The following CAMTA1 variants were observed in gnomAD, a reference collection of about 807,000 sequenced individuals.
CAMTA1 encodes the protein calmodulin-binding transcription activator 1.
Under a neutral mutation model 170.9 loss-of-function variants are expected in CAMTA1, and 27 were observed. That is an observed-to-expected ratio of 0.16 (90% CI 0.12 to 0.22). The LOEUF is 0.22. Among genes scored for constraint, CAMTA1 ranks in the 10% least tolerant of loss-of-function variants. The probability of loss-of-function intolerance (pLI) is 1.00; values close to 1 mark genes in which losing one functional copy is unlikely to be tolerated. For missense variants in CAMTA1, 1,619 were observed against 2,217.2 expected (o/e 0.73, Z 5.42); for synonymous variants, 833 against 891.5 (o/e 0.93, Z 1.17).
chr1:7,440,424 G>A (rs1035871471), intron 5 of CAMTA1, among the ~76,000 whole-genome samples: 2 of 152,256 alleles, frequency 1.3e-5, no homozygotes, highest in Non-Finnish European at 2.9e-5. Context: ...GGAAGGAGCC[G>A]TGTGTTGCCT....
intron 3 of CAMTA1, among the ~76,000 whole-genome samples, chr1:7,017,846 G>A (rs1182799189): frequency 6.6e-6 from 1 of 152,174 alleles, no homozygotes; most frequent in African/African-American, 2.4e-5. Flanking sequence ...GGAGAGTAAG[G>A]GGCTCACTGG....
At chr1:6,836,569 C>G (rs975045147) in intron 3 of CAMTA1, among the ~76,000 whole-genome samples, 3 of 152,086 alleles carry the variant, frequency 2.0e-5, no homozygotes, top group Non-Finnish European at 4.4e-5. Context: ...GAAGCAGAGT[C>G]CACATGTGTG....
intron 6 of CAMTA1, among the ~76,000 whole-genome samples, chr1:7,601,495 G>T (rs1398452059): frequency 8.1e-5 from 12 of 148,500 alleles, no homozygotes; most frequent in Admixed American, 7.9e-4. Flanking sequence ...CATCCCAGAC[G>T]ATGGGCGGCC....
intron 3 of CAMTA1, among the ~76,000 whole-genome samples, chr1:6,963,652 G>A (rs1419891135): frequency 1.3e-5 from 2 of 152,162 alleles, no homozygotes; most frequent in East Asian, 1.9e-4. Context: ...GCCTCAACCC[G>A]CCTGCACCTG....
chr1:7,480,928 A>T (rs1246462204), intron 6 of CAMTA1, among the ~76,000 whole-genome samples: 1 of 152,136 alleles, frequency 6.6e-6, no homozygotes, highest in Non-Finnish European at 1.5e-5. Context: ...TCACGGCTAG[A>T]GCAGGACTCA....
intron 4 of CAMTA1, among the ~76,000 whole-genome samples, chr1:7,226,649 G>T (rs1661746936): frequency 6.6e-6 from 1 of 151,916 alleles, no homozygotes; most frequent in Non-Finnish European, 1.5e-5. Flanking sequence ...ATAGGTGCTG[G>T]GTAAGTGAAG....
rs371107197 is a variant in CAMTA1, at chr1:7,248,314, T to C, written c.303-1177T>C. ...CTGACTTATGGTTTCCTCGCCTCCG[T>C]TGTAGCAGAGCAACATACAAGCCAG... On this transcript the variant is annotated intron_variant, in intron 4 of 22. Coordinates refer to ENST00000303635, the MANE Select transcript of CAMTA1 (RefSeq NM_015215.4). The surrounding 1 kb of genome is among the most constrained non-coding windows in gnomAD (Gnocchi z 4.0). 1.8e-4 allele frequency among the ~76,000 whole-genome samples: 27 copies of C among 152,326 alleles called. No homozygotes were observed. In the East Asian group the frequency reaches 4.4e-3, roughly 25 times the overall value.
At chr1:7,480,227 G>A (rs111161904) in intron 6 of CAMTA1, among the ~76,000 whole-genome samples, 1 of 143,030 alleles carries the variant, frequency 7.0e-6, no homozygotes. Context: ...GTACGTGTGT[G>A]TGAGTGCATG....
rs761814394 is a variant in CAMTA1, at chr1:7,565,744, T to A, written c.511-74656T>A. Among the ~76,000 whole-genome samples the A allele has an allele frequency of 1.5e-4, 23 of 152,158 alleles. No homozygotes were observed. The highest frequency in any genetic ancestry group is 2.9e-4 in the Non-Finnish European group (20 of 68,022). On this transcript the variant is annotated intron_variant, in intron 6 of 22. Transcript: ENST00000303635. This position sits in a 1 kb window ranked among gnomAD's most constrained non-coding sequence, Gnocchi z 4.5. ...TGTTTGTTTTGTCCTCGTGTCTTAG[T>A]CTACTCAGGCTGCCATGACAAAATA...
intron 3 of CAMTA1, among the ~76,000 whole-genome samples, chr1:6,910,532 GGTCTT>G (rs1679473209): frequency 6.6e-6 from 1 of 152,132 alleles, no homozygotes; most frequent in African/African-American, 2.4e-5. Flanking sequence ...GGGAAATGCT[GGTCTT>G]GTTTCTTGAA....
chr1:7,348,058 C>A (rs1228865859), intron 5 of CAMTA1, among the ~76,000 whole-genome samples: 1 of 152,186 alleles, frequency 6.6e-6, no homozygotes, highest in Non-Finnish European at 1.5e-5. Context: ...GGGACAGAGG[C>A]AGCTCTGGCG....
intron 6 of CAMTA1, among the ~76,000 whole-genome samples, chr1:7,624,520 T>G (rs909512666): frequency 6.6e-6 from 1 of 152,214 alleles, no homozygotes; most frequent in African/African-American, 2.4e-5. Flanking sequence ...TGCCATGTCC[T>G]TCACTCTGCC....
chr1:6,816,329 C>G (rs1339242981), intron 1 of CAMTA1, among the ~76,000 whole-genome samples: 1 of 152,288 alleles, frequency 6.6e-6, no homozygotes, highest in Non-Finnish European at 1.5e-5. Flanking sequence ...CTGTCTTCCC[C>G]CCACTAGAAT....
At chr1:7,126,270 C>G (rs986866681) in intron 4 of CAMTA1, among the ~76,000 whole-genome samples, 1 of 152,142 alleles carries the variant, frequency 6.6e-6, no homozygotes, top group Non-Finnish European at 1.5e-5. Flanking sequence ...GTCCCGCAAA[C>G]CTAACAAATG....
intron 6 of CAMTA1, among the ~76,000 whole-genome samples, chr1:7,531,250 C>G (rs1275800555): frequency 6.6e-6 from 1 of 152,104 alleles, no homozygotes; most frequent in African/African-American, 2.4e-5. Context: ...CTAAGAGTCA[C>G]TTTTCCTGCC....
chr1:6,902,948 A>T (rs1677457091), intron 3 of CAMTA1, among the ~76,000 whole-genome samples: 1 of 152,224 alleles, frequency 6.6e-6, no homozygotes, highest in Admixed American at 6.5e-5. Flanking sequence ...CCATGATCCA[A>T]CAGTTCCACT....
chr1:7,005,562 G>T (rs1698874036), intron 3 of CAMTA1, among the ~76,000 whole-genome samples: 1 of 152,132 alleles, frequency 6.6e-6, no homozygotes, highest in Admixed American at 6.5e-5. Context: ...GGGTGAGATG[G>T]GCCTGTCTTT....
intron 3 of CAMTA1, among the ~76,000 whole-genome samples, chr1:7,066,429 C>T (rs1000073574): frequency 6.6e-6 from 1 of 152,190 alleles, no homozygotes; most frequent in Non-Finnish European, 1.5e-5. Context: ...TTTTTCTGGT[C>T]CCTGGTCAAC....
At chr1:6,895,885 T>C (rs898711998) in intron 3 of CAMTA1, among the ~76,000 whole-genome samples, 5 of 152,200 alleles carry the variant, frequency 3.3e-5, no homozygotes, top group Admixed American at 1.3e-4. Context: ...AATTGTCTCT[T>C]CTTTTTCTTT....
Sources: gnomAD v4.1 joint callset for allele counts (sites outside exome capture counted in the v4.1 genomes callset) on GRCh38, gnomAD v4.1.1 for gene constraint, Gnocchi (gnomAD v3.1) non-coding constraint, MANE v1.5 for transcripts, NCBI Gene and HGNC (gene_info 2026-07-23, HGNC 2026-07-21) for gene names.